Variants in CRYAB observed in about 807,000 individuals in gnomAD.
CRYAB encodes crystallin alpha B.
Under a neutral mutation model 12.7 loss-of-function variants are expected in CRYAB, and 9 were observed. The ratio of observed to expected loss-of-function variants is 0.71; its 90% CI spans 0.43 to 1.24. CRYAB has a LOEUF of 1.24. Ranked by LOEUF, CRYAB falls within the 50% of genes most tolerant of loss-of-function variation. The pLI, the probability that CRYAB is intolerant of heterozygous loss-of-function variation, is 0.00. For missense variants in CRYAB, 183 were observed against 226.6 expected (o/e 0.81, Z 1.24); for synonymous variants, 93 against 86.8 (o/e 1.07, Z -0.40).
chr11:111,917,729 C>T (rs1295648627), upstream of CRYAB, among the ~76,000 whole-genome samples: 1 of 150,944 alleles, frequency 6.6e-6, no homozygotes, highest in Non-Finnish European at 1.5e-5. Context: ...GCCTGTAGTC[C>T]CAGCTACTCG....
upstream of CRYAB, chr11:111,912,704 T>A: frequency 3.1e-5 from 8 of 255,790 alleles, no homozygotes; most frequent in East Asian, 9.9e-5. Flanking sequence ...GGCTCGGCAC[T>A]ATTTTGGGTG....
At chr11:111,912,912 G>A (rs1209733301), upstream of CRYAB, 1 of 1,605,458 alleles carries the variant, frequency 6.2e-7, no homozygotes, top group Non-Finnish European at 8.5e-7. Flanking sequence ...GGTGAGCAGC[G>A]CTTCGGAGAA....
chr11:111,909,016 A>G (rs1965367562), intron 2 of CRYAB, 49 bp from the exon 3 acceptor site: 2 of 1,590,564 alleles, frequency 1.3e-6, no homozygotes, highest in East Asian at 2.2e-5. Context: ...AACAGGAACT[A>G]TTATCACCTG....
upstream of CRYAB, chr11:111,913,953 G>C: frequency 7.0e-7 from 1 of 1,431,568 alleles, no homozygotes; most frequent in Non-Finnish European, 9.5e-7. Flanking sequence ...GATATGGGCA[G>C]CTGCCCACCA....
intron 2 of CRYAB, chr11:111,909,692 A>G (rs542965174): frequency 2.9e-5 from 6 of 203,390 alleles, no homozygotes; most frequent in Non-Finnish European, 6.0e-5. Flanking sequence ...TTAAAGACTG[A>G]GCACAGCTCT....
At position 111,911,688 on chromosome 11, in the gene CRYAB, G is replaced by T. The variant is rs1349139935; in HGVS notation, c.37C>A (p.Pro13Thr). The T allele has an allele frequency of 6.9e-6, 11 of 1,602,296 alleles. No individual in the cohort carries two copies. In the African/African-American group the frequency reaches 1.3e-4, roughly 19 times the overall value. Reference sequence around the variant, plus strand: ...CTGGGGGAGTGGAAAGGAAAGAAGGGGCGGCGGATCCAGGGGTGGTGGATG... The same window carrying T: ...CTGGGGGAGTGGAAAGGAAAGAAGGTGCGGCGGATCCAGGGGTGGTGGATG... ...IAIHHPWIRR[P>T]FFPFHSPSRL... The change falls in exon 1 of 3, where the codon CCC (proline) becomes ACC (threonine). Residue 13 changes from proline (P) to threonine (T), a missense_variant. Around this residue, in one of 3 missense-constraint regions of CRYAB, gnomAD observed 86 missense variants for 96.1 expected, o/e 0.89. Transcript: ENST00000650687.
chr11:111,910,570 G>T, intron 1 of CRYAB, 121 bp from the exon 2 acceptor site: 1 of 1,279,668 alleles, frequency 7.8e-7, no homozygotes, highest in Non-Finnish European at 1.1e-6. Flanking sequence ...TCTCTTCTCT[G>T]CTTAAAAAAT....
intron 2 of CRYAB, chr11:111,909,645 GCT>G (rs1433811771): frequency 5.0e-6 from 1 of 199,868 alleles, no homozygotes; most frequent in Admixed American, 5.4e-5. Context: ...AGCCAAACAG[GCT>G]CTCGTTAACT....
chr11:111,920,324 C>T (rs1965671042), intron 1 of CRYAB, among the ~76,000 whole-genome samples: 1 of 151,948 alleles, frequency 6.6e-6, no homozygotes. Flanking sequence ...TGACTTGAGG[C>T]CAGGAGTTCA....
At chr11:111,920,538 GAA>G (rs782071149) in intron 1 of CRYAB, among the ~76,000 whole-genome samples, 1 of 143,974 alleles carries the variant, frequency 6.9e-6, no homozygotes, top group Non-Finnish European at 1.5e-5. Context: ...ACTATGTCTT[GAA>G]AAAAAAAAAG....
chr11:111,919,262 C>T (rs1555166325), intron 1 of CRYAB: 1 of 493,320 alleles, frequency 2.0e-6, no homozygotes, highest in African/African-American at 1.9e-5. Context: ...ATCACGAGGT[C>T]AGTAGATCGA....
upstream of CRYAB, among the ~76,000 whole-genome samples, chr11:111,917,744 G>A (rs1457216517): frequency 6.6e-6 from 1 of 151,866 alleles, no homozygotes; most frequent in Non-Finnish European, 1.5e-5. Context: ...TACTCGAGAG[G>A]CTGAGGGGGG....
upstream of CRYAB, chr11:111,914,221 A>G (rs1555165968): frequency 2.3e-5 from 6 of 257,804 alleles, no homozygotes; most frequent in East Asian, 4.6e-4. Context: ...CTGAGCTCGC[A>G]CTTGGATGCT....
chr11:111,916,580 T>C (rs1411907719), upstream of CRYAB, among the ~76,000 whole-genome samples: 2 of 152,202 alleles, frequency 1.3e-5, no homozygotes, highest in African/African-American at 4.8e-5. Context: ...ATTACCCAGA[T>C]AACTTTATTT....
chr11:111,913,798 G>A (rs782533003), upstream of CRYAB: 14 of 1,614,022 alleles, frequency 8.7e-6, no homozygotes, highest in East Asian at 6.7e-5. Flanking sequence ...CGGGGTGGCC[G>A]ACATTTGGAC....
rs899795789 is a variant in CRYAB, at chr11:111,908,906, T to C, written c.386A>G (p.Asp129Gly). 1 of 1,613,980 alleles carries C rather than the reference T, an allele frequency of 6.2e-7. No individual in the cohort carries two copies. The highest frequency in any genetic ancestry group is 8.5e-7 in the Non-Finnish European group (1 of 1,180,004). ...CAGGGATGAAGTAATGGTGAGAGGG[T>C]CTACATCAGCTGGGATCCGGTATTT... ...HRKYRIPADV[D>G]PLTITSSLSS... Residue 129 changes from aspartate to glycine, a missense_variant, in exon 3 of 3, where the codon GAC becomes GGC. Around this residue, in one of 3 missense-constraint regions of CRYAB, gnomAD observed 95 missense variants for 112.5 expected, o/e 0.84. Coordinates refer to ENST00000650687, the MANE Select transcript of CRYAB (RefSeq NM_001289808.2).
upstream of CRYAB, chr11:111,912,540 G>A (rs1432095877): frequency 2.3e-5 from 11 of 485,076 alleles, no homozygotes; most frequent in African/African-American, 2.0e-4. Context: ...CCCCTCCCCA[G>A]CTCGTTCCCA....
chr11:111,912,405 G>A, upstream of CRYAB: 1 of 211,668 alleles, frequency 4.7e-6, no homozygotes, highest in Non-Finnish European at 9.5e-6. Flanking sequence ...ATTAAATCCA[G>A]GAGTGCTTTA....
At chr11:111,911,424 G>T in intron 1 of CRYAB, 100 bp downstream of exon 1, 1 of 1,217,452 alleles carries the variant, frequency 8.2e-7, no homozygotes, top group Non-Finnish European at 1.2e-6. Context: ...ACACACATGT[G>T]CCTAAAATGG....
Sources: gnomAD v4.1 joint callset for allele counts (sites outside exome capture counted in the v4.1 genomes callset) on GRCh38, gnomAD v4.1.1 for gene constraint, gnomAD v4.1.1 regional missense constraint, MANE v1.5 for transcripts, NCBI Gene and HGNC (gene_info 2026-07-23, HGNC 2026-07-21) for gene names.